The following ATP8B1 variants were observed in gnomAD, a reference collection of about 807,000 sequenced individuals.
ATP8B1 encodes the protein phospholipid-transporting ATPase IC.
Under a neutral mutation model 149.9 loss-of-function variants are expected in ATP8B1, and 80 were observed. That is an observed-to-expected ratio of 0.53 (90% CI 0.45 to 0.64). The LOEUF (loss-of-function observed/expected upper bound fraction) is 0.64, where lower values mean the gene tolerates loss of function less well. ATP8B1 is among the 30% of genes least tolerant of loss of function. The pLI is 0.00. For missense variants in ATP8B1, 1,247 were observed against 1,552.6 expected, an observed-to-expected ratio of 0.80 and a Z score of 3.31; for synonymous variants, 536 against 562.8, an observed-to-expected ratio of 0.95 and a Z score of 0.67.
chr18:57,793,147 TCA>T (rs1264727855), intron 1 of ATP8B1, among the ~76,000 whole-genome samples: 3 of 152,180 alleles, frequency 2.0e-5, no homozygotes, highest in Non-Finnish European at 4.4e-5. Context: ...CTTTTGAAAC[TCA>T]GATTTCCTTT....
intron 1 of ATP8B1, among the ~76,000 whole-genome samples, chr18:57,737,266 TA>T (rs200347388): frequency 4.3e-5 from 1 of 23,430 alleles, no homozygotes; most frequent in Non-Finnish European, 1.4e-4. Flanking sequence ...TCCCTACTTT[TA>T]TTTTTTTTTT....
intron 12 of ATP8B1, among the ~76,000 whole-genome samples, chr18:57,691,061 G>T (rs938415334): frequency 2.0e-5 from 3 of 151,806 alleles, no homozygotes; most frequent in Non-Finnish European, 4.4e-5. Flanking sequence ...CGTGATCCCA[G>T]CTACTCAGGA....
chr18:57,700,081 A>G (rs1913045037), intron 6 of ATP8B1, among the ~76,000 whole-genome samples: 1 of 152,238 alleles, frequency 6.6e-6, no homozygotes, highest in African/African-American at 2.4e-5. Context: ...ATTGCCTCCA[A>G]TATTTCAGTA....
intron 1 of ATP8B1, among the ~76,000 whole-genome samples, chr18:57,756,691 C>T (rs2080088393): frequency 6.9e-6 from 1 of 145,074 alleles, no homozygotes; most frequent in Admixed American, 6.9e-5. Flanking sequence ...CTGAACCTCC[C>T]ACTTTTGGGC....
rs954374437 is a variant in ATP8B1 at position 57,648,796 on chromosome 18, A to C, written c.3532-84T>G. 3.0e-6 allele frequency: 4 copies of C among 1,340,268 alleles called. No homozygotes were observed. The African/African-American group carries it at 5.8e-5, about 20-fold the overall frequency. 83.0% of individuals were successfully genotyped at this position (1,340,268 alleles called of 1,614,324 possible). A position where few individuals can be genotyped will look rare whatever the true frequency, so the allele number is the denominator to read the frequency against. ...GGCCAGACGGTTGACAGAAATGAAC[A>C]CTGATGAACTCCCCTGACACCTGCC... On this transcript the variant is annotated intron_variant, in intron 27 of 27. Coordinates refer to ENST00000648908, the MANE Select transcript of ATP8B1 (RefSeq NM_001374385.1).
At chr18:57,768,477 A>C (rs1016233077) in intron 1 of ATP8B1, among the ~76,000 whole-genome samples, 1 of 150,770 alleles carries the variant, frequency 6.6e-6, no homozygotes, top group Non-Finnish European at 1.5e-5. Context: ...AATCATACCT[A>C]TTCTCCAAAG....
chr18:57,680,086 G>A (rs1306225847), intron 15 of ATP8B1, among the ~76,000 whole-genome samples: 2 of 151,128 alleles, frequency 1.3e-5, no homozygotes, highest in Admixed American at 6.6e-5. Flanking sequence ...GACAAGCCTG[G>A]CCAACATGGC....
intron 1 of ATP8B1, among the ~76,000 whole-genome samples, chr18:57,748,809 A>C (rs577358062): frequency 1.3e-5 from 2 of 152,310 alleles, no homozygotes; most frequent in Admixed American, 1.3e-4. Context: ...TTTAAAGTTT[A>C]ATTTAATTTA....
rs1047654603 is a variant in ATP8B1, at chr18:57,686,346, A to AT, written c.1430-1232dup. On this transcript the variant is annotated intron_variant, in intron 13 of 27. Coordinates refer to ENST00000648908, the MANE Select transcript of ATP8B1 (RefSeq NM_001374385.1). ...ACCATATTAACCGATTTTTTGTTTG[A>AT]TTTTTTTGAGTCAGGGTTTCACTCT... Among the ~76,000 whole-genome samples the AT allele has an allele frequency of 8.6e-5, 13 of 151,946 alleles. No homozygotes were observed. The East Asian group carries it at 1.6e-3, about 18-fold the overall frequency.
At chr18:57,752,246 A>AAT (rs2080029935) in intron 1 of ATP8B1, among the ~76,000 whole-genome samples, 1 of 99,402 alleles carries the variant, frequency 1.0e-5, no homozygotes, top group African/African-American at 3.4e-5. Context: ...ATAATAATAA[A>AAT]TGATAATCTA....
intron 2 of ATP8B1, among the ~76,000 whole-genome samples, chr18:57,725,204 A>G (rs1234421910): frequency 2.1e-4 from 30 of 139,928 alleles, no homozygotes; most frequent in Non-Finnish European, 2.7e-4. Context: ...ATACATATGT[A>G]ACTAACCTGC....
intron 1 of ATP8B1, among the ~76,000 whole-genome samples, chr18:57,760,895 A>C (rs1280188941): frequency 6.6e-6 from 1 of 151,980 alleles, no homozygotes; most frequent in African/African-American, 2.4e-5. Context: ...AGGCTGAGGC[A>C]GGAGAATCGC....
intron 1 of ATP8B1, among the ~76,000 whole-genome samples, chr18:57,752,122 G>A (rs1225366700): frequency 1.3e-5 from 2 of 151,632 alleles, no homozygotes; most frequent in Admixed American, 6.6e-5. Flanking sequence ...TGGGAGGATC[G>A]TTTGAGCCCA....
chr18:57,741,068 CG>C (rs2079909878), intron 1 of ATP8B1: 1 of 152,340 alleles, frequency 6.6e-6, no homozygotes, highest in African/African-American at 2.4e-5. Flanking sequence ...TCCCAAGTCA[CG>C]GGGATTACAG....
intron 1 of ATP8B1, among the ~76,000 whole-genome samples, chr18:57,732,764 T>C (rs530926268): frequency 6.6e-6 from 1 of 152,226 alleles, no homozygotes; most frequent in African/African-American, 2.4e-5. Flanking sequence ...GGTTTCACTG[T>C]GTTAGCCAGG....
intron 2 of ATP8B1, among the ~76,000 whole-genome samples, chr18:57,708,120 T>C (rs1913500851): frequency 7.4e-6 from 1 of 134,566 alleles, no homozygotes; most frequent in Admixed American, 8.6e-5. Context: ...ATAGTGCCAC[T>C]GCACTCCAGC....
At chr18:57,669,254 A>G in intron 18 of ATP8B1, 64 bp downstream of exon 18, 3 of 1,477,246 alleles carry the variant, frequency 2.0e-6, no homozygotes, top group Non-Finnish European at 2.8e-6. Flanking sequence ...ATTCAATAAA[A>G]CTTAATAAAA....
rs552643647 is a variant in ATP8B1 at position 57,706,353 on chromosome 18, T to C, written c.279+137A>G. 1.1e-3 allele frequency: 778 copies of C among 717,566 alleles called. 4 individuals carry two copies. The highest frequency in any genetic ancestry group is 1.7e-3 in the Non-Finnish European group (694 of 411,440). The allele number at this position is 717,566 out of a possible 1,614,324, so 44.4% of individuals were successfully genotyped here. On this transcript the variant is annotated intron_variant, in intron 3 of 27. Coordinates refer to ENST00000648908, the MANE Select transcript of ATP8B1 (RefSeq NM_001374385.1). Reference sequence around the variant, plus strand: ...AAACATCAATAAAAATGACATTCTATAGAAACAATGATGATTATCAGTAGC... The same window carrying C: ...AAACATCAATAAAAATGACATTCTACAGAAACAATGATGATTATCAGTAGC...
chr18:57,655,531 C>G, intron 22 of ATP8B1, 114 bp from the exon 23 acceptor site: 2 of 931,384 alleles, frequency 2.1e-6, no homozygotes, highest in Non-Finnish European at 1.7e-6. Context: ...ATTGATGGAA[C>G]AATAATACAG....
Sources: allele counts gnomAD v4.1 joint callset (sites outside exome capture counted in the v4.1 genomes callset), GRCh38; gene constraint gnomAD v4.1.1; transcripts MANE v1.5; gene names NCBI Gene and HGNC (gene_info 2026-07-23, HGNC 2026-07-21).